MICU3: variants seen among roughly 807,000 people sequenced by gnomAD.
MICU3 encodes the protein mitochondrial calcium uptake 3, also known as calcium uptake protein 3, mitochondrial.
MICU3 carries 62 observed loss-of-function variants against 66.5 expected under a neutral mutation model. The observed-to-expected ratio is 0.93, with a 90% CI of 0.76 to 1.15. The LOEUF (loss-of-function observed/expected upper bound fraction) is 1.15. Ranked by LOEUF, MICU3 falls within the 50% of genes most tolerant of loss-of-function variation. The pLI is 0.00. For synonymous variants in MICU3, 308 were observed against 240.7 expected (o/e 1.28, Z -2.59); for missense variants, 779 against 664.4 (o/e 1.17, Z -1.90).
the MICU3 span, chr8:17,134,372 T>C: frequency 1.3e-5 from 2 of 153,980 alleles, no homozygotes; most frequent in African/African-American, 2.4e-5. Flanking sequence ...GAAGAGCTCA[T>C]GTTTCAACTT....
chr8:17,107,146 G>A (rs1801811274), intron 11 of MICU3, among the ~76,000 whole-genome samples: 1 of 152,112 alleles, frequency 6.6e-6, no homozygotes, highest in South Asian at 2.1e-4. Context: ...GGAAATGTAT[G>A]TTAGTGGAGA....
At chr8:17,045,157 AT>A (rs1814845724) in intron 1 of MICU3, among the ~76,000 whole-genome samples, 1 of 152,192 alleles carries the variant, frequency 6.6e-6, no homozygotes, top group Non-Finnish European at 1.5e-5. Context: ...ATGCTCAAAA[AT>A]AAATTATGGA....
intron 3 of MICU3, among the ~76,000 whole-genome samples, chr8:17,074,864 A>C (rs895230740): frequency 5.9e-5 from 9 of 152,116 alleles, no homozygotes; most frequent in Non-Finnish European, 5.9e-5. Flanking sequence ...TTTTCTACCT[A>C]CAATTTAATT....
At chr8:17,127,726 C>G in the MICU3 span, among the ~76,000 whole-genome samples, 6 of 152,160 alleles carry the variant, frequency 3.9e-5, no homozygotes, top group East Asian at 1.2e-3. Flanking sequence ...GACTGATTAG[C>G]AAATTAACAT....
chr8:17,111,246 C>A (rs982107487), intron 11 of MICU3, among the ~76,000 whole-genome samples: 1 of 152,032 alleles, frequency 6.6e-6, no homozygotes, highest in African/African-American at 2.4e-5. Flanking sequence ...ATTCTAGAGC[C>A]TTATCAGATA....
chr8:17,077,922 G>A, intron 4 of MICU3, 61 bp downstream of exon 4: 2 of 982,264 alleles, frequency 2.0e-6, no homozygotes, highest in Non-Finnish European at 1.5e-6. Flanking sequence ...ATTTATATAT[G>A]CATATTTTCC....
chr8:17,055,150 A>G (rs1014699181), intron 1 of MICU3, among the ~76,000 whole-genome samples: 2 of 152,204 alleles, frequency 1.3e-5, no homozygotes, highest in Non-Finnish European at 2.9e-5. Flanking sequence ...ATAACACTAA[A>G]TATCAAGCCC....
At chr8:17,097,132 C>T (rs1427830925) in intron 8 of MICU3, among the ~76,000 whole-genome samples, 4 of 151,596 alleles carry the variant, frequency 2.6e-5, no homozygotes, top group Non-Finnish European at 4.4e-5. Flanking sequence ...TTCTTTATCA[C>T]ATATTAACCT....
At chr8:17,110,289 C>T (rs868549651) in intron 11 of MICU3, among the ~76,000 whole-genome samples, 32 of 152,034 alleles carry the variant, frequency 2.1e-4, no homozygotes, top group South Asian at 6.2e-4. Context: ...AAAAATTAAC[C>T]GTTTTAAACT....
At chr8:17,045,153 A>G (rs1814844843) in intron 1 of MICU3, among the ~76,000 whole-genome samples, 1 of 152,188 alleles carries the variant, frequency 6.6e-6, no homozygotes, top group African/African-American at 2.4e-5. Context: ...GAAAATGCTC[A>G]AAAATAAATT....
intron 1 of MICU3, among the ~76,000 whole-genome samples, chr8:17,034,191 C>G (rs900211205): frequency 6.6e-6 from 1 of 152,154 alleles, no homozygotes; most frequent in Non-Finnish European, 1.5e-5. Flanking sequence ...AGGGGGACTG[C>G]AAAGCTTGGA....
chr8:17,076,755 A>G (rs558773052), intron 3 of MICU3, among the ~76,000 whole-genome samples: 17 of 152,328 alleles, frequency 1.1e-4, no homozygotes, highest in South Asian at 6.2e-4. Context: ...AGATGTTGTT[A>G]AAAATGCAGG....
intron 1 of MICU3, among the ~76,000 whole-genome samples, chr8:17,054,384 TATA>T (rs1289705774): frequency 5.3e-5 from 8 of 152,250 alleles, no homozygotes; most frequent in Non-Finnish European, 1.2e-4. Flanking sequence ...CTTAAGTTTA[TATA>T]CATATATGTA....
intron 8 of MICU3, among the ~76,000 whole-genome samples, chr8:17,091,319 T>C (rs1432730849): frequency 3.9e-5 from 6 of 152,072 alleles, no homozygotes; most frequent in Admixed American, 6.6e-5. Context: ...TTTTTGAATG[T>C]AAACATGTGC....
chr8:17,058,741 C>G (rs902521286), intron 1 of MICU3, among the ~76,000 whole-genome samples: 3 of 152,156 alleles, frequency 2.0e-5, no homozygotes, highest in African/African-American at 7.2e-5. Flanking sequence ...ATGGACTGCT[C>G]CAAGCCAATC....
rs3915069 is a variant in MICU3, at chr8:17,107,522, G to C, written c.1257+1938G>C. Among the ~76,000 whole-genome samples the C allele has an allele frequency of 5.9e-3, 891 of 152,146 alleles. 33 individuals carry two copies. The highest frequency in any genetic ancestry group is 0.05 in the Admixed American group (767 of 15,272). On this transcript the variant is annotated intron_variant, in intron 11 of 14. Transcript: ENST00000318063. ...TAAGAAGTTTAGTTATTCAAAGAGT[G>C]ACTGTAAGAGTGATGGGAAGCCACT...
At chr8:17,064,704 C>G (rs942272504) in intron 2 of MICU3, among the ~76,000 whole-genome samples, 1 of 152,070 alleles carries the variant, frequency 6.6e-6, no homozygotes, top group Non-Finnish European at 1.5e-5. Flanking sequence ...TACATTCTTG[C>G]AAATCTCTTA....
intron 8 of MICU3, among the ~76,000 whole-genome samples, chr8:17,091,486 T>G (rs915660949): frequency 6.6e-6 from 1 of 152,106 alleles, no homozygotes; most frequent in Admixed American, 6.6e-5. Context: ...AAAGTAGGTG[T>G]ATTGTCTCCT....
intron 1 of MICU3, among the ~76,000 whole-genome samples, chr8:17,030,667 TG>T (rs2150474461): frequency 6.6e-6 from 1 of 152,356 alleles, no homozygotes; most frequent in East Asian, 1.9e-4. Context: ...TGCACATATA[TG>T]TAACAGCACT....
Sources: gnomAD v4.1 joint callset for allele counts (sites outside exome capture counted in the v4.1 genomes callset) on GRCh38, gnomAD v4.1.1 for gene constraint, MANE v1.5 for transcripts, NCBI Gene and HGNC (gene_info 2026-07-23, HGNC 2026-07-21) for gene names.